The following SLC12A3 variants were observed in gnomAD, a reference collection of about 807,000 sequenced individuals.
The protein encoded by SLC12A3 is Na-Cl cotransporter.
A neutral mutation model predicts 121.0 loss-of-function variants in SLC12A3; 104 were observed. The ratio of observed to expected loss-of-function variants is 0.86; its 90% CI spans 0.73 to 1.01. The LOEUF (loss-of-function observed/expected upper bound fraction) is 1.01. Among genes scored for constraint, SLC12A3 ranks in the 50% least tolerant of loss-of-function variants. The pLI, the probability that SLC12A3 is intolerant of heterozygous loss-of-function variation, is 0.00. For synonymous variants in SLC12A3, 536 were observed against 533.4 expected (o/e 1.00, Z -0.07); for missense variants, 1,328 against 1,356.3 (o/e 0.98, Z 0.33).
chr16:56,911,308 TTTGTTTG>T (rs1567451730), intron 25 of SLC12A3, among the ~76,000 whole-genome samples: 535 of 50,208 alleles, frequency 0.011, 4 homozygotes, highest in Non-Finnish European at 0.018. Flanking sequence ...TTTGAGACCT[TTTGTTTG>T]TTTGTTTGTT....
chr16:56,895,605 T>G (rs1334075382), intron 22 of SLC12A3, among the ~76,000 whole-genome samples: 1 of 151,794 alleles, frequency 6.6e-6, no homozygotes, highest in African/African-American at 2.4e-5. Context: ...AGAAATGAAG[T>G]AGGGGCTAGA....
rs750022013 is a variant in SLC12A3, at chr16:56,879,686, G to A, written c.1443+37G>A. 5 of 1,508,876 alleles carry A rather than the reference G, an allele frequency of 3.3e-6. No individual in the cohort carries two copies. The South Asian group carries it at 5.6e-5, about 17-fold the overall frequency. 93.5% of individuals were successfully genotyped at this position (1,508,876 alleles called of 1,614,324 possible). ...GAAAGGGGTCGAGATGACAGGGGGT[G>A]GGGAGCCTGGGCTAGAGGCACAATA... is the stretch of plus-strand genomic sequence containing the variant. On this transcript the variant is annotated intron_variant, in intron 11 of 25. Transcript: ENST00000563236.
chr16:56,880,641 A>T (rs2055228496), intron 12 of SLC12A3, among the ~76,000 whole-genome samples: 1 of 152,152 alleles, frequency 6.6e-6, no homozygotes, highest in South Asian at 2.1e-4. Flanking sequence ...TCTCCTTGGG[A>T]TGGGATACCA....
At chr16:56,880,542 C>T (rs982664826) in intron 12 of SLC12A3, among the ~76,000 whole-genome samples, 5 of 152,134 alleles carry the variant, frequency 3.3e-5, no homozygotes, top group South Asian at 2.1e-4. Context: ...CCCCGGTCTG[C>T]GTTCACATGT....
intron 8 of SLC12A3, among the ~76,000 whole-genome samples, chr16:56,873,060 C>T (rs2055119938): frequency 6.6e-6 from 1 of 152,262 alleles, no homozygotes; most frequent in African/African-American, 2.4e-5. Flanking sequence ...TAGGGGAAGA[C>T]TGGCCCAGCT....
At chr16:56,892,905 G>A (rs1464075934) in intron 20 of SLC12A3, 48 bp from the exon 21 acceptor site, 1 of 1,515,526 alleles carries the variant, frequency 6.6e-7, no homozygotes, top group Non-Finnish European at 9.1e-7. Context: ...AGGCCTGCCT[G>A]GATGCGCGGC....
In SLC12A3 at chr16:56,865,433, A is replaced by G. The variant is rs746619304; in HGVS notation, c.198A>G (p.Thr66=). ...FGYNTIDVVP[T]YEHYANSTQP... ...ACAACACGATCGATGTGGTGCCCAC[A>G]TATGAGCACTATGCCAACAGCACCC... The change falls in exon 1 of 26, where the codon ACA becomes ACG. Residue 66 remains threonine, a synonymous_variant. Transcript: ENST00000563236. The G allele has an allele frequency of 2.5e-6, 4 of 1,614,188 alleles. No homozygotes were observed. In the Admixed American group the frequency reaches 5.0e-5, roughly 20 times the overall value.
At chr16:56,903,953 G>A (rs750466736) in intron 24 of SLC12A3, among the ~76,000 whole-genome samples, 1 of 152,184 alleles carries the variant, frequency 6.6e-6, no homozygotes, top group Non-Finnish European at 1.5e-5. Flanking sequence ...GCCCTCTGCC[G>A]GGTGCTTTTG....
chr16:56,868,350 G>A lies in SLC12A3; in HGVS notation c.483G>A (p.Trp161Ter). Residue 161 changes from tryptophan to a stop codon, truncating the protein, a stop_gained, in exon 3 of 26, where the codon TGG becomes TGA. Transcript: ENST00000563236. LOFTEE classifies it high-confidence loss of function. ...WGVILYLRLP[W>*]ITAQAGIVLT... ...TGATCCTCTACCTGCGGCTGCCCTG[G>A]ATTACGGCCCAGGCAGGCATCGGTG... The A allele has an allele frequency of 1.2e-6, 2 of 1,613,654 alleles. No homozygotes were observed. The highest frequency in any genetic ancestry group is 1.7e-6 in the Non-Finnish European group (2 of 1,179,870).
intron 20 of SLC12A3, 111 bp downstream of exon 20, chr16:56,892,244 A>C (rs2055398458): frequency 1.0e-6 from 1 of 980,538 alleles, no homozygotes; most frequent in Non-Finnish European, 1.6e-6. Context: ...GGTCGAGGAC[A>C]GGTGGTTTTT....
intron 12 of SLC12A3, 39 bp from the exon 13 acceptor site, chr16:56,882,357 G>A (rs764847506): frequency 1.3e-6 from 2 of 1,555,316 alleles, no homozygotes; most frequent in Admixed American, 1.7e-5. Context: ...TGGCAGAGTT[G>A]CCCAACAGGC....
In SLC12A3 at chr16:56,865,977, T is replaced by C. The variant is rs924842953; in HGVS notation, c.282+460T>C. On this transcript the variant is annotated intron_variant, in intron 1 of 25. Transcript: ENST00000563236. ...GGCTGAATTGTTCTTTTTTCTTTTC[T>C]TTTCTTTTCTTTTCTTTTTTTTTTT... Among the ~76,000 whole-genome samples, 4 of 101,984 alleles carry C rather than the reference T, an allele frequency of 3.9e-5. No homozygotes were observed. In the East Asian group the frequency reaches 1.3e-3, roughly 33 times the overall value. 66.9% of individuals were successfully genotyped at this position (101,984 alleles called of 152,430 possible).
chr16:56,896,683 G>A (rs1324469157), intron 22 of SLC12A3, among the ~76,000 whole-genome samples: 1 of 152,214 alleles, frequency 6.6e-6, no homozygotes, highest in African/African-American at 2.4e-5. Flanking sequence ...CCAGATCAAG[G>A]CTGCAGTGAG....
rs767855323 is a variant in SLC12A3, at chr16:56,865,490, A to C, written c.255A>C (p.Thr85=). The C allele has an allele frequency of 3.1e-6, 5 of 1,613,460 alleles. No individual in the cohort carries two copies. In the South Asian group the frequency reaches 3.3e-5, roughly 11 times the overall value. Residue 85 remains threonine, a synonymous_variant, in exon 1 of 26, where the codon ACA becomes ACC. Transcript: ENST00000563236. Reference sequence around the variant, plus strand: ...GTGAGCCCCGGAAGGTCCGGCCCACACTGGCTGACCTGCACTCCTTCCTCA... The same window carrying C: ...GTGAGCCCCGGAAGGTCCGGCCCACCCTGGCTGACCTGCACTCCTTCCTCA... ...QPGEPRKVRP[T]LADLHSFLKQ...
rs546390811 is a variant in SLC12A3 at position 56,873,541 on chromosome 16, C to T, written c.1095+755C>T. Among the ~76,000 whole-genome samples the T allele has an allele frequency of 2.1e-3, 315 of 149,536 alleles. 3 individuals carry two copies. The highest frequency in any genetic ancestry group is 2.6e-3 in the Non-Finnish European group (176 of 67,472). On this transcript the variant is annotated intron_variant, in intron 8 of 25. Transcript: ENST00000563236. ...AGCTGGGATTACAGGTGCCTGCCACCGCACCCGGTTAATATTTGTATTTTT... is the reference window on the plus strand; with the variant it reads ...AGCTGGGATTACAGGTGCCTGCCACTGCACCCGGTTAATATTTGTATTTTT...
chr16:56,883,732 A>C (rs1048994853), intron 13 of SLC12A3, among the ~76,000 whole-genome samples: 1 of 152,172 alleles, frequency 6.6e-6, no homozygotes, highest in Admixed American at 6.5e-5. Context: ...AGGCAGAATC[A>C]TGTCCTTCCC....
chr16:56,905,338 CA>C (rs59206129), intron 25 of SLC12A3, among the ~76,000 whole-genome samples: 2,924 of 50,688 alleles, frequency 0.058, 23 homozygotes, highest in African/African-American at 0.11. Context: ...AACTCCGTCT[CA>C]AAAAAAAAAA....
rs960750157 is a variant in SLC12A3 at position 56,867,223 on chromosome 16, G to T, written c.429+7G>T. ...CTGGGTCAAGGGGGTGATGGTGAGT[G>T]GGGTGTGGGTGGTGCGTGATGTCCA... On this transcript the variant is annotated splice_region_variant and intron_variant, in intron 2 of 25. Transcript: ENST00000563236. The T allele has an allele frequency of 1.2e-6, 2 of 1,605,136 alleles. No homozygotes were observed. The highest frequency in any genetic ancestry group is 1.7e-6 in the Non-Finnish European group (2 of 1,176,562).
rs1486396795 is a variant in SLC12A3, at chr16:56,880,149, T to C, written c.1463T>C (p.Leu488Pro). ...CTGCAGTGCCTTTGCGAGGACCAGC[T>C]GTACCCACTGATCGGCTTCTTCGGC... ...KVFQCLCEDQLYPLIGFFGKG... is the reference protein window; with the variant it reads ...KVFQCLCEDQPYPLIGFFGKG... The change falls in exon 12 of 26, where the codon CTG becomes CCG. Residue 488 changes from leucine to proline, a missense_variant. Transcript: ENST00000563236. 3 of 1,607,368 alleles carry C rather than the reference T, an allele frequency of 1.9e-6. No individual in the cohort carries two copies. The highest frequency in any genetic ancestry group is 2.5e-6 in the Non-Finnish European group (3 of 1,177,912).
Sources: gnomAD v4.1 joint callset for allele counts (sites outside exome capture counted in the v4.1 genomes callset) on GRCh38, gnomAD v4.1.1 for gene constraint, MANE v1.5 for transcripts, NCBI Gene and HGNC (gene_info 2026-07-23, HGNC 2026-07-21) for gene names.